Variants in DMD observed in about 807,000 individuals in gnomAD.
The protein encoded by DMD is mutant dystrophin.
DMD carries 63 observed loss-of-function variants against 330.1 expected under a neutral mutation model. The ratio of observed to expected loss-of-function variants is 0.19; its 90% CI spans 0.16 to 0.24. The LOEUF (loss-of-function observed/expected upper bound fraction) is 0.24. Ranked by LOEUF, DMD falls within the 10% of genes least tolerant of loss-of-function variation. DMD has a pLI of 1.00. For synonymous variants in DMD, 1,223 were observed against 959.8 expected (o/e 1.27, Z -5.07); for missense variants, 3,344 against 2,684.1 (o/e 1.25, Z -5.43).
chrX:33,238,216 C>T (rs1341458294), intron 1 of DMD, among the ~76,000 whole-genome samples: 2 of 111,895 alleles, frequency 1.8e-5, no homozygotes, highest in Non-Finnish European at 3.8e-5. Context: ...CATTTTGATG[C>T]CTGTACTCAC....
At chrX:31,146,049 G>T (rs1005064391) in intron 76 of DMD, among the ~76,000 whole-genome samples, 2 of 112,348 alleles carry the variant, frequency 1.8e-5, no homozygotes, top group African/African-American at 3.2e-5. Context: ...ACCAATCTTG[G>T]CCTTGGCAAT....
At chrX:32,235,726 G>A (rs1406761759) in intron 43 of DMD, among the ~76,000 whole-genome samples, 2 of 110,997 alleles carry the variant, frequency 1.8e-5, no homozygotes, top group Non-Finnish European at 3.8e-5. Flanking sequence ...AATAAAAGTG[G>A]CCTTCACTTT....
chrX:31,653,756 A>G (rs1013505086), intron 54 of DMD, among the ~76,000 whole-genome samples: 2 of 111,407 alleles, frequency 1.8e-5, no homozygotes, highest in Non-Finnish European at 3.8e-5. Context: ...ACTCATATCT[A>G]TTCACAGAGA....
intron 1 of DMD, among the ~76,000 whole-genome samples, chrX:33,268,381 C>T (rs2053086498): frequency 9.0e-6 from 1 of 111,317 alleles, no homozygotes; most frequent in Admixed American, 9.6e-5. Context: ...AGCTTCTGCA[C>T]AGCCAAAGAA....
intron 2 of DMD, among the ~76,000 whole-genome samples, chrX:32,992,364 T>C (rs2147316568): frequency 8.9e-6 from 1 of 111,925 alleles, no homozygotes; most frequent in East Asian, 2.8e-4. Context: ...TACCTGGAAA[T>C]GAGTGGCCCA....
intron 2 of DMD, among the ~76,000 whole-genome samples, chrX:32,867,659 T>C (rs1271143309): frequency 1.8e-5 from 2 of 111,770 alleles, no homozygotes; most frequent in African/African-American, 3.2e-5. Flanking sequence ...TTCAAAGAGG[T>C]AGCAACTTTC....
At chrX:31,283,447 T>A (rs1193915786) in intron 62 of DMD, among the ~76,000 whole-genome samples, 1 of 111,736 alleles carries the variant, frequency 8.9e-6, no homozygotes, top group African/African-American at 3.2e-5. Context: ...AAATATATTT[T>A]CAGGTTAGAA....
chrX:31,668,674 A>G (rs1222025730), intron 53 of DMD, among the ~76,000 whole-genome samples: 2 of 111,017 alleles, frequency 1.8e-5, no homozygotes, highest in African/African-American at 6.5e-5. Context: ...ATTATTAACT[A>G]TGGTCACCAG....
At chrX:31,515,073 G>A (rs1287553694) in intron 55 of DMD, among the ~76,000 whole-genome samples, 1 of 111,058 alleles carries the variant, frequency 9.0e-6, no homozygotes, top group Non-Finnish European at 1.9e-5. Flanking sequence ...CATTCAAAAA[G>A]TAGAATGATC....
At chrX:32,212,027 A>T (rs1338000189) in intron 44 of DMD, among the ~76,000 whole-genome samples, 3 of 111,833 alleles carry the variant, frequency 2.7e-5, no homozygotes, top group Non-Finnish European at 5.6e-5. Context: ...CACTGAAGGG[A>T]CTTGAAAGCA....
At chrX:32,288,358 A>AT (rs1456018706) in intron 42 of DMD, among the ~76,000 whole-genome samples, 1 of 111,496 alleles carries the variant, frequency 9.0e-6, no homozygotes, top group African/African-American at 3.3e-5. Flanking sequence ...GCCATCCTTA[A>AT]TTTTTTCAGT....
chrX:31,845,029 CAT>C (rs755920510), intron 48 of DMD, among the ~76,000 whole-genome samples: 21,156 of 90,472 alleles, frequency 0.23, 1,951 homozygotes, highest in East Asian at 0.41. Context: ...TATGTGTATA[CAT>C]ATATATATAT....
At chrX:31,160,958 A>G (rs58310342) in intron 74 of DMD, among the ~76,000 whole-genome samples, 1 of 111,429 alleles carries the variant, frequency 9.0e-6, no homozygotes, top group African/African-American at 3.3e-5. Context: ...CAGGACCACC[A>G]CCCAAGTTTG....
At chrX:32,091,424 G>T (rs753652503) in intron 44 of DMD, among the ~76,000 whole-genome samples, 8 of 111,499 alleles carry the variant, frequency 7.2e-5, no homozygotes, top group Non-Finnish European at 1.1e-4. Flanking sequence ...AATCCTGAAA[G>T]CTCAACATCA....
At chrX:32,694,863 T>C (rs2063534350) in intron 9 of DMD, among the ~76,000 whole-genome samples, 1 of 111,102 alleles carries the variant, frequency 9.0e-6, no homozygotes, top group South Asian at 3.9e-4. Flanking sequence ...ACCATGTTGG[T>C]TCGGTTGGTC....
At position 32,631,339 on chromosome X, in the gene DMD, A is replaced by AC. The variant is rs1473796891; in HGVS notation, c.1331+12792dup. ...CCACACTGACCACTGACTGGCTATC[A>AC]CCTACATTCACTCAGGGCCCAAGGA... On this transcript the variant is annotated intron_variant, in intron 11 of 78. Transcript: ENST00000357033. Among the ~76,000 whole-genome samples, 7 of 111,088 alleles carry AC rather than the reference A, an allele frequency of 6.3e-5. No individual in the cohort carries two copies. In the East Asian group the frequency reaches 2.0e-3, roughly 32 times the overall value.
At chrX:32,395,197 A>G (rs1342495946) in intron 30 of DMD, among the ~76,000 whole-genome samples, 1 of 111,495 alleles carries the variant, frequency 9.0e-6, no homozygotes, top group Non-Finnish European at 1.9e-5. Context: ...TTGTGAGAAA[A>G]AAAGAAATTT....
At chrX:32,687,891 G>A (rs895804154) in intron 9 of DMD, among the ~76,000 whole-genome samples, 1 of 111,242 alleles carries the variant, frequency 9.0e-6, no homozygotes, top group African/African-American at 3.3e-5. Context: ...AGATAACTGA[G>A]TCACACAACT....
At chrX:32,349,756 A>G (rs760278267) in intron 37 of DMD, among the ~76,000 whole-genome samples, 2 of 111,871 alleles carry the variant, frequency 1.8e-5, no homozygotes, top group Non-Finnish European at 3.8e-5. Flanking sequence ...ACTTCTACAC[A>G]CCCCTGAAAG....
Sources: gnomAD v4.1 joint callset for allele counts (sites outside exome capture counted in the v4.1 genomes callset) on GRCh38, gnomAD v4.1.1 for gene constraint, MANE v1.5 for transcripts, NCBI Gene and HGNC (gene_info 2026-07-23, HGNC 2026-07-21) for gene names.